The following ADCK1 variants were observed in gnomAD, a reference collection of about 807,000 sequenced individuals.
ADCK1 encodes aarF domain-containing protein kinase 1.
A neutral mutation model predicts 52.3 loss-of-function variants in ADCK1; 41 were observed. The observed-to-expected ratio is 0.78, with a 90% confidence interval of 0.61 to 1.02. The LOEUF (loss-of-function observed/expected upper bound fraction) is 1.02, where lower values mean the gene tolerates loss of function less well. Ranked by LOEUF, ADCK1 falls within the 50% of genes least tolerant of loss-of-function variation. ADCK1 has a pLI of 0.00. For synonymous variants in ADCK1, 250 were observed against 274.6 expected (o/e 0.91, Z 0.89); for missense variants, 658 against 679.5 (o/e 0.97, Z 0.35).
chr14:77,886,935 C>A (rs1359815005), intron 4 of ADCK1, among the ~76,000 whole-genome samples, 156 bp from the exon 5 acceptor site: 1 of 121,802 alleles, frequency 8.2e-6, no homozygotes, highest in Non-Finnish European at 1.7e-5. Flanking sequence ...CACACACACA[C>A]ACACACGCAC....
rs140251548 is a variant in ADCK1 at position 77,886,568 on chromosome 14, C to T, written c.424-523C>T. Among the ~76,000 whole-genome samples, 282 of 152,218 alleles carry T rather than the reference C, an allele frequency of 1.9e-3. 3 individuals are homozygous for T. The highest frequency in any genetic ancestry group is 6.4e-3 in the African/African-American group (267 of 41,516). ...TGTCCCCCTTCCTCTGTATGCCTAC[C>T]GTGAATGTCCAGCAGTGGAGGACCA... On this transcript the variant is annotated intron_variant, in intron 4 of 10. Coordinates refer to ENST00000238561, the MANE Select transcript of ADCK1 (RefSeq NM_020421.4).
intron 4 of ADCK1, among the ~76,000 whole-genome samples, chr14:77,884,497 A>G (rs751911865): frequency 2.0e-5 from 3 of 151,778 alleles, no homozygotes; most frequent in Non-Finnish European, 1.5e-5. Context: ...TGTTTTTTTC[A>G]CTTATCCCTG....
At chr14:77,841,674 C>CAAAAAAAAAA (rs71128696) in intron 3 of ADCK1, among the ~76,000 whole-genome samples, 14 of 74,262 alleles carry the variant, frequency 1.9e-4, no homozygotes, top group African/African-American at 5.7e-4. Context: ...ACTAAAAATA[C>CAAAAAAAAAA]AAAAAAAAAA....
intron 5 of ADCK1, among the ~76,000 whole-genome samples, chr14:77,893,733 C>CT (rs1325021163): frequency 8.7e-6 from 1 of 115,102 alleles, no homozygotes; most frequent in Admixed American, 9.3e-5. Flanking sequence ...CCCTTCCTTC[C>CT]TTCCTTTTTT....
At chr14:77,820,081 T>C (rs2081547766) in intron 2 of ADCK1, among the ~76,000 whole-genome samples, 1 of 152,208 alleles carries the variant, frequency 6.6e-6, no homozygotes, top group Non-Finnish European at 1.5e-5. Context: ...AGCATTGTCT[T>C]ACATGCTTTG....
chr14:77,802,454 C>CT lies in ADCK1; in HGVS notation c.-12+2291dup, dbSNP rs1319424937. 2.6e-5 allele frequency among the ~76,000 whole-genome samples: 4 copies of CT among 151,980 alleles called. No homozygotes were observed. The South Asian group carries it at 8.3e-4, about 32-fold the overall frequency. ...GGACCTTGGCATCAGTCAGGGATTC[C>CT]TTTTTTTATTTTTTGAGACAGAGTG... On this transcript the variant is annotated intron_variant, in intron 1 of 10. Transcript: ENST00000238561.
Position 77,882,522 on chromosome 14 carries a change from G to C in ADCK1, c.424-4569G>C, listed in dbSNP as rs763025867. ...ACGTGACCGAGTATGGGAACAGCAG[G>C]CTGCAATATTTGAAAGTGGGCTATC... On this transcript the variant is annotated intron_variant, in intron 4 of 10. Coordinates refer to ENST00000238561, the MANE Select transcript of ADCK1 (RefSeq NM_020421.4). Among the ~76,000 whole-genome samples, 5 of 152,240 alleles carry C rather than the reference G, an allele frequency of 3.3e-5. 1 individual carries two copies. The South Asian group carries it at 8.3e-4, about 25-fold the overall frequency.
intron 3 of ADCK1, among the ~76,000 whole-genome samples, chr14:77,840,235 T>C (rs773428139): frequency 3.3e-5 from 5 of 152,148 alleles, no homozygotes; most frequent in East Asian, 1.9e-4. Flanking sequence ...CATTCTCTTA[T>C]AGTTCTGGAG....
chr14:77,818,914 C>T, intron 1 of ADCK1, 54 bp from the exon 2 acceptor site: 2 of 1,587,602 alleles, frequency 1.3e-6, no homozygotes, highest in Non-Finnish European at 8.6e-7. Context: ...TTCAGTTTGA[C>T]TAACTATGAA....
chr14:77,930,938 G>C (rs2084315422), intron 9 of ADCK1, among the ~76,000 whole-genome samples: 1 of 152,048 alleles, frequency 6.6e-6, no homozygotes. Context: ...AGACCAGGTA[G>C]GTCAAGGGCT....
rs1428645386 is a variant in ADCK1 at position 77,907,936 on chromosome 14, A to C, written c.858+17A>C. On this transcript the variant is annotated intron_variant, in intron 7 of 10. Coordinates refer to ENST00000238561, the MANE Select transcript of ADCK1 (RefSeq NM_020421.4). ...GTCAATGAGGTGAGGTCAAGAGCTC[A>C]GGGCTGCTGTGCCGGGGAACGTGGG... 24 of 1,608,896 alleles carry C rather than the reference A, an allele frequency of 1.5e-5. No homozygotes were observed. The highest frequency in any genetic ancestry group is 1.9e-5 in the Non-Finnish European group (22 of 1,175,848).
At chr14:77,865,884 A>G (rs1172391919) in intron 4 of ADCK1, among the ~76,000 whole-genome samples, 2 of 152,220 alleles carry the variant, frequency 1.3e-5, no homozygotes, top group Non-Finnish European at 2.9e-5. Flanking sequence ...AGGGGCAGTA[A>G]ACGTTAATAA....
At chr14:77,829,026 T>C (rs960312352) in intron 3 of ADCK1, among the ~76,000 whole-genome samples, 1 of 151,448 alleles carries the variant, frequency 6.6e-6, no homozygotes, top group South Asian at 2.1e-4. Flanking sequence ...CCAACCTATA[T>C]TGAGCACTGC....
intron 4 of ADCK1, among the ~76,000 whole-genome samples, chr14:77,871,224 C>T (rs189376234): frequency 3.7e-4 from 56 of 152,284 alleles, no homozygotes; most frequent in Non-Finnish European, 6.6e-4. Context: ...ACTCTCTGCT[C>T]TTAAACCAGT....
chr14:77,847,911 G>A (rs765043750), intron 3 of ADCK1, among the ~76,000 whole-genome samples: 8 of 152,174 alleles, frequency 5.3e-5, no homozygotes, highest in Non-Finnish European at 1.5e-5. Flanking sequence ...GAGCCCAGAC[G>A]TGGCCAGAGC....
At chr14:77,929,673 T>C (rs1032359247) in intron 9 of ADCK1, among the ~76,000 whole-genome samples, 3 of 152,000 alleles carry the variant, frequency 2.0e-5, no homozygotes, top group Admixed American at 2.0e-4. Context: ...GAACAAAATT[T>C]TTTTTTTTTT....
At chr14:77,852,673 A>ATATTATATATATATATATATAT in intron 3 of ADCK1, among the ~76,000 whole-genome samples, 1 of 18,128 alleles carries the variant, frequency 5.5e-5, no homozygotes. Context: ...ATATATATAT[A>ATATTATATATATATATATATAT]TATATATATA....
Position 77,819,041 on chromosome 14 carries a change from C to T in ADCK1, c.63C>T (p.Ile21=). 6.2e-7 allele frequency: 1 copy of T among 1,614,204 alleles called. No individual in the cohort carries two copies. Among genetic ancestry groups the T allele is most frequent in the Non-Finnish European group, 8.5e-7 (1 of 1,180,032 alleles). Residue 21 remains isoleucine (I), a synonymous_variant, in exon 2 of 11, where the codon ATC becomes ATT. Coordinates refer to ENST00000238561, the MANE Select transcript of ADCK1 (RefSeq NM_020421.4). The part of the protein sequence containing the change: ...WTSMALAASG[I]YFYSNKYLDP... The stretch of plus-strand genomic sequence containing the variant: ...GCATGGCTCTTGCTGCCTCTGGCAT[C>T]TACTTCTACAGTAACAAGTACTTGG...
In ADCK1 at chr14:77,933,596, C is replaced by G; in HGVS notation, c.*205C>G. ...GCCCACAAGCTGAACTGTGGCATAG[C>G]TCTCTCTTCTTCTCCAAGAAGACTC... On this transcript the variant is annotated 3_prime_UTR_variant, in exon 11 of 11. Transcript: ENST00000238561. 2 of 571,926 alleles carry G rather than the reference C, an allele frequency of 3.5e-6. No individual in the cohort carries two copies. The highest frequency in any genetic ancestry group is 6.1e-6 in the Non-Finnish European group (2 of 327,834). 35.4% of individuals were successfully genotyped at this position (571,926 alleles called of 1,614,324 possible).
Sources: allele counts gnomAD v4.1 joint callset (sites outside exome capture counted in the v4.1 genomes callset), GRCh38; gene constraint gnomAD v4.1.1; transcripts MANE v1.5; gene names NCBI Gene and HGNC (gene_info 2026-07-23, HGNC 2026-07-21).